PTPN7: variants seen among roughly 807,000 people sequenced by gnomAD.
PTPN7 encodes tyrosine-protein phosphatase non-receptor type 7.
PTPN7 carries 33 observed loss-of-function variants against 50.3 expected under a neutral mutation model. The observed-to-expected ratio is 0.66, with a 90% CI of 0.50 to 0.88. The LOEUF is 0.88. Among genes scored for constraint, PTPN7 ranks in the 40% least tolerant of loss-of-function variants. The pLI is 0.00. For missense variants in PTPN7, 412 were observed against 475.4 expected (o/e 0.87, Z 1.24); for synonymous variants, 185 against 186.6 (o/e 0.99, Z 0.07).
At chr1:202,149,620 C>A (rs567595678) in intron 9 of PTPN7, among the ~76,000 whole-genome samples, 1 of 151,612 alleles carries the variant, frequency 6.6e-6, no homozygotes, top group East Asian at 1.9e-4. Context: ...TAGTGAGACC[C>A]CCATCTCTAT....
chr1:202,151,988 G>A lies in PTPN7; in HGVS notation c.875+554C>T, dbSNP rs960780339. Reference sequence around the variant, plus strand: ...GGCTGGAGTGCAGTGGTGTGATCTCGGCTCACTGCCTCCAGAGTTTGAGCA... The same window carrying A: ...GGCTGGAGTGCAGTGGTGTGATCTCAGCTCACTGCCTCCAGAGTTTGAGCA... On this transcript the variant is annotated intron_variant, in intron 8 of 9. Coordinates refer to ENST00000691036, the MANE Select transcript of PTPN7 (RefSeq NM_002832.4). 3.3e-5 allele frequency among the ~76,000 whole-genome samples: 5 copies of A among 150,048 alleles called. No individual in the cohort carries two copies. In the East Asian group the frequency reaches 6.1e-4, roughly 18 times the overall value.
chr1:202,149,829 G>GTTTTTTTT (rs67499965), intron 9 of PTPN7: 10 of 92,908 alleles, frequency 1.1e-4, no homozygotes, highest in African/African-American at 1.8e-4. Context: ...TCTTTTTTTT[G>GTTTTTTTT]TTTTTTTTTT....
intron 9 of PTPN7, 107 bp from the exon 10 acceptor site, chr1:202,148,806 C>T: frequency 2.1e-6 from 1 of 480,586 alleles, no homozygotes; most frequent in Non-Finnish European, 3.5e-6. Flanking sequence ...CTGACTTTCT[C>T]AAAGAACATG....
chr1:202,160,433 T>A lies in PTPN7; in HGVS notation c.-53+112A>T, dbSNP rs547272352. On this transcript the variant is annotated intron_variant, in intron 1 of 9. Coordinates refer to ENST00000691036, the MANE Select transcript of PTPN7 (RefSeq NM_002832.4). The surrounding 1 kb of genome is among the most constrained non-coding windows in gnomAD (Gnocchi z 4.8). ...GAGCACCCATACCCCAGCCAGGCACTGTGGCGCCCCACTCGCCCTCCCGCA... is the reference window on the plus strand; with the variant it reads ...GAGCACCCATACCCCAGCCAGGCACAGTGGCGCCCCACTCGCCCTCCCGCA... The A allele has an allele frequency of 8.8e-7, 1 of 1,140,440 alleles. No homozygotes were observed. The highest frequency in any genetic ancestry group is 2.6e-5 in the East Asian group (1 of 38,524). The allele number at this position is 1,140,440 out of a possible 1,614,324, so 70.6% of individuals were successfully genotyped here.
chr1:202,147,748 G>A lies in PTPN7; in HGVS notation c.*858C>T, dbSNP rs1431233381. ...ACTCAGCAAATGCAAGGTATAGTGGGTCCTGCATACCCAGGGTATTATTTG... is the reference window on the plus strand; with the variant it reads ...ACTCAGCAAATGCAAGGTATAGTGGATCCTGCATACCCAGGGTATTATTTG... On this transcript the variant is annotated 3_prime_UTR_variant, in exon 10 of 10. Transcript: ENST00000691036. The A allele has an allele frequency of 6.6e-6, 1 of 152,220 alleles. No individual in the cohort carries two copies. The highest frequency in any genetic ancestry group is 1.5e-5 in the Non-Finnish European group (1 of 68,068). 9.4% of individuals were successfully genotyped at this position (152,220 alleles called of 1,614,324 possible).
chr1:202,158,077 ACAGAGGG>A (rs775155524), intron 3 of PTPN7, 34 bp downstream of exon 3: 40 of 1,528,672 alleles, frequency 2.6e-5, no homozygotes, highest in Non-Finnish European at 3.4e-5. Flanking sequence ...TGCCTCTGAT[ACAGAGGG>A]CAGAGCGATT....
chr1:202,160,987 C>T (rs1571771688), upstream of PTPN7: 2 of 1,425,452 alleles, frequency 1.4e-6, no homozygotes, highest in South Asian at 1.6e-5. This position sits in a 1 kb window ranked among gnomAD's most constrained non-coding sequence, Gnocchi z 4.8. Context: ...GCTTATTTCT[C>T]CTTCTCTGCT....
intron 5 of PTPN7, among the ~76,000 whole-genome samples, chr1:202,154,592 A>G (rs1180584197): frequency 6.6e-6 from 1 of 152,206 alleles, no homozygotes; most frequent in Non-Finnish European, 1.5e-5. Flanking sequence ...ATCATCTGTA[A>G]ATTGGGCATA....
At chr1:202,149,183 T>A (rs1655657778) in intron 9 of PTPN7, among the ~76,000 whole-genome samples, 1 of 152,052 alleles carries the variant, frequency 6.6e-6, no homozygotes, top group African/African-American at 2.4e-5. Context: ...TACTTTCTAC[T>A]CCTCATTGCT....
At chr1:202,158,493 T>G in intron 2 of PTPN7, 192 bp from the exon 3 acceptor site, 1 of 568,178 alleles carries the variant, frequency 1.8e-6, no homozygotes, top group South Asian at 2.3e-5. Flanking sequence ...CCAGAGTAAC[T>G]GGGACCACAG....
upstream of PTPN7, chr1:202,160,737 C>T (rs1487725752): frequency 3.9e-6 from 6 of 1,550,526 alleles, no homozygotes; most frequent in African/African-American, 1.4e-5. This position sits in a 1 kb window ranked among gnomAD's most constrained non-coding sequence, Gnocchi z 4.8. Flanking sequence ...GGCTGCCTCC[C>T]GCCTGTGCCC....
Position 202,147,763 on chromosome 1 carries a change from G to A in PTPN7, c.*843C>T, listed in dbSNP as rs114300026. 1 of 152,272 alleles carries A rather than the reference G, an allele frequency of 6.6e-6. No individual in the cohort carries two copies. The highest frequency in any genetic ancestry group is 2.4e-5 in the African/African-American group (1 of 41,540). The allele number at this position is 152,272 out of a possible 1,614,324, so 9.4% of individuals were successfully genotyped here. On this transcript the variant is annotated 3_prime_UTR_variant, in exon 10 of 10. Coordinates refer to ENST00000691036, the MANE Select transcript of PTPN7 (RefSeq NM_002832.4). ...GGTATAGTGGGTCCTGCATACCCAG[G>A]GTATTATTTGAGCCATGGAAGCAAA... is the stretch of plus-strand genomic sequence containing the variant.
rs184475799 is a variant in PTPN7 at position 202,157,484 on chromosome 1, G to C, written c.391+255C>G. Among the ~76,000 whole-genome samples the C allele has an allele frequency of 7.2e-5, 11 of 151,992 alleles. No individual in the cohort carries two copies. The East Asian group carries it at 2.1e-3, about 29-fold the overall frequency. ...AGATTGCGCCATTGCACTCCAGCCT[G>C]GGTGACGAGAGTGAAAACTCCGTCT... On this transcript the variant is annotated intron_variant, in intron 4 of 9. Coordinates refer to ENST00000691036, the MANE Select transcript of PTPN7 (RefSeq NM_002832.4).
chr1:202,150,123 G>A (rs189977444), intron 9 of PTPN7, 188 bp downstream of exon 9: 191 of 545,104 alleles, frequency 3.5e-4, no homozygotes, highest in African/African-American at 3.1e-3. Context: ...GTGAGCCACC[G>A]CACCCGGCCA....
At chr1:202,155,941 TA>T (rs1267952295) in intron 4 of PTPN7, among the ~76,000 whole-genome samples, 1 of 152,194 alleles carries the variant, frequency 6.6e-6, no homozygotes, top group Non-Finnish European at 1.5e-5. Flanking sequence ...TTTATTTATT[TA>T]TTTACGTTTT....
At chr1:202,158,997 C>T (rs960613300) in intron 2 of PTPN7, 87 of 440,806 alleles carry the variant, frequency 2.0e-4, no homozygotes, top group African/African-American at 1.6e-3. Flanking sequence ...CTGCCTCTTC[C>T]CACTCCCAGC....
intron 2 of PTPN7, 111 bp from the exon 3 acceptor site, chr1:202,158,412 G>T: frequency 8.7e-7 from 1 of 1,151,300 alleles, no homozygotes; most frequent in African/African-American, 1.5e-5. Context: ...CAGGTCTGGA[G>T]TGTGATGGCA....
In PTPN7 at chr1:202,160,510, C is replaced by T; in HGVS notation, c.-53+35G>A. On this transcript the variant is annotated intron_variant, in intron 1 of 9. Transcript: ENST00000691036. This position sits in a 1 kb window ranked among gnomAD's most constrained non-coding sequence, Gnocchi z 4.8. ...TCCCCGGAGTTCGCACCCCCCGGGGCCACAGGACTCCCAGTCCCCCCTTCA... is the reference window on the plus strand; with the variant it reads ...TCCCCGGAGTTCGCACCCCCCGGGGTCACAGGACTCCCAGTCCCCCCTTCA... 6.6e-7 allele frequency: 1 copy of T among 1,526,368 alleles called. No homozygotes were observed. The highest frequency in any genetic ancestry group is 8.9e-7 in the Non-Finnish European group (1 of 1,129,236). 94.6% of individuals were successfully genotyped at this position (1,526,368 alleles called of 1,614,324 possible). A position where few individuals can be genotyped will look rare whatever the true frequency, so the allele number is the denominator to read the frequency against.
At chr1:202,161,143 AAAG>A (rs1428688505), upstream of PTPN7, 14 of 1,203,760 alleles carry the variant, frequency 1.2e-5, no homozygotes, top group African/African-American at 6.1e-5. Context: ...GGGTGGGGAA[AAAG>A]AAGAAGCAAG....
Sources: allele counts gnomAD v4.1 joint callset (sites outside exome capture counted in the v4.1 genomes callset), GRCh38; gene constraint gnomAD v4.1.1; non-coding constraint Gnocchi (gnomAD v3.1); transcripts MANE v1.5; gene names NCBI Gene and HGNC (gene_info 2026-07-23, HGNC 2026-07-21).